NUDCD3: variants seen among roughly 807,000 people sequenced by gnomAD.
NUDCD3 encodes NudC domain containing 3.
In NUDCD3, 13 loss-of-function variants were observed where a neutral mutation model predicts 39.7. That is an observed-to-expected ratio of 0.33 (90% confidence interval 0.21 to 0.52). The LOEUF is 0.52. Among genes scored for constraint, NUDCD3 ranks in the 20% least tolerant of loss-of-function variants. The pLI, the probability that NUDCD3 is intolerant of heterozygous loss-of-function variation, is 0.96. For missense variants in NUDCD3, 453 were observed against 458.1 expected, an observed-to-expected ratio of 0.99 and a Z score of 0.10; for synonymous variants, 175 against 172.4, an observed-to-expected ratio of 1.02 and a Z score of -0.12.
intron 3 of NUDCD3, among the ~76,000 whole-genome samples, chr7:44,409,750 A>G (rs1318839138): frequency 6.6e-6 from 1 of 152,200 alleles, no homozygotes; most frequent in African/African-American, 2.4e-5. Context: ...TTACTAAAGG[A>G]AAGTATGGGA....
At chr7:44,475,737 A>G (rs903358350) in intron 2 of NUDCD3, among the ~76,000 whole-genome samples, 2 of 152,138 alleles carry the variant, frequency 1.3e-5, no homozygotes, top group Non-Finnish European at 2.9e-5. Context: ...ACTATATTCC[A>G]GCCTGGGCAA....
chr7:44,432,390 G>C (rs1799381286), intron 2 of NUDCD3, among the ~76,000 whole-genome samples: 1 of 152,184 alleles, frequency 6.6e-6, no homozygotes, highest in African/African-American at 2.4e-5. Context: ...TTTTGTCTAG[G>C]AAGCTAGAGC....
chr7:44,425,912 G>C (rs1239771083), intron 3 of NUDCD3: 1 of 152,926 alleles, frequency 6.5e-6, no homozygotes, highest in East Asian at 1.9e-4. Context: ...AAACTCATTA[G>C]ATGGAGGTTT....
chr7:44,453,527 C>T (rs1799834007), intron 2 of NUDCD3, among the ~76,000 whole-genome samples: 1 of 152,104 alleles, frequency 6.6e-6, no homozygotes, highest in Admixed American at 6.5e-5. Flanking sequence ...TAATTTCCTG[C>T]TCCTATAACT....
intron 2 of NUDCD3, among the ~76,000 whole-genome samples, chr7:44,477,024 C>T (rs1800385190): frequency 1.3e-5 from 2 of 148,198 alleles, no homozygotes; most frequent in Admixed American, 1.3e-4. Context: ...CAAATGATGC[C>T]ATTCCCTTCC....
chr7:44,441,354 G>A (rs1799580970), intron 2 of NUDCD3, among the ~76,000 whole-genome samples: 1 of 152,112 alleles, frequency 6.6e-6, no homozygotes. Flanking sequence ...TGACTAGTGA[G>A]GTTATCTTTT....
At chr7:44,441,197 G>A (rs1423098583) in intron 2 of NUDCD3, among the ~76,000 whole-genome samples, 1 of 152,156 alleles carries the variant, frequency 6.6e-6, no homozygotes, top group Non-Finnish European at 1.5e-5. Context: ...AATGTTAGTG[G>A]TCTACCAAGA....
In NUDCD3 at chr7:44,404,574, C is replaced by T; in HGVS notation, c.652G>A (p.Ala218Thr). The change falls in exon 4 of 6, where the codon GCC (alanine) becomes ACC (threonine). Residue 218 changes from alanine to threonine, a missense_variant. Coordinates refer to ENST00000355451, the MANE Select transcript of NUDCD3 (RefSeq NM_015332.4). The part of the protein sequence containing the change: ...HVVKGKQVSV[A>T]LSSSSIRVAM... ...ACACGAATGGAGCTGCTGCTAAGGG[C>T]CACTGAGACCTGGGGACACAGCAGA... 6.2e-7 allele frequency: 1 copy of T among 1,613,736 alleles called. No individual in the cohort carries two copies. The highest frequency in any genetic ancestry group is 8.5e-7 in the Non-Finnish European group (1 of 1,179,960).
At chr7:44,410,489 C>T (rs1405775663) in intron 3 of NUDCD3, among the ~76,000 whole-genome samples, 1 of 150,702 alleles carries the variant, frequency 6.6e-6, no homozygotes, top group East Asian at 2.0e-4. Context: ...GGTGAAACCC[C>T]GTCTCTACTA....
chr7:44,454,082 G>C (rs1799845078), intron 2 of NUDCD3, among the ~76,000 whole-genome samples: 1 of 152,204 alleles, frequency 6.6e-6, no homozygotes. Flanking sequence ...GCTCACGCCT[G>C]TAATCCCAGA....
chr7:44,400,747 G>C (rs542557195), intron 4 of NUDCD3, among the ~76,000 whole-genome samples: 1 of 152,294 alleles, frequency 6.6e-6, no homozygotes, highest in East Asian at 1.9e-4. Context: ...GGGCTTGGTG[G>C]TTATATCATT....
At chr7:44,450,785 C>G (rs536014471) in intron 2 of NUDCD3, among the ~76,000 whole-genome samples, 1 of 152,220 alleles carries the variant, frequency 6.6e-6, no homozygotes, top group Admixed American at 6.5e-5. Flanking sequence ...CTAGGTTATT[C>G]ACCCAGAGAA....
chr7:44,473,429 G>A (rs979741278), intron 2 of NUDCD3, among the ~76,000 whole-genome samples: 4 of 152,156 alleles, frequency 2.6e-5, no homozygotes, highest in African/African-American at 9.7e-5. Flanking sequence ...TCAAAGAGTT[G>A]TGAGGACAGT....
At position 44,427,617 on chromosome 7, in the gene NUDCD3, A is replaced by C; in HGVS notation, c.596T>G (p.Leu199Arg). The C allele has an allele frequency of 6.2e-7, 1 of 1,613,536 alleles. No individual in the cohort carries two copies. Among genetic ancestry groups the C allele is most frequent in the Non-Finnish European group, 8.5e-7 (1 of 1,179,692 alleles). ...CTTGGGTACTGGCACCCTGACCTCC[A>C]GGTCAGTATAGTCCTGTGACCAGGT... ...NYTWSQDYTD[L>R]EVRVPVPKHV... is the part of the protein sequence containing the mutation. The change falls in exon 3 of 6, where the codon CTG (leucine) becomes CGG (arginine). Residue 199 changes from leucine to arginine, a missense_variant. Coordinates refer to ENST00000355451, the MANE Select transcript of NUDCD3 (RefSeq NM_015332.4).
At chr7:44,474,507 A>G (rs913766034) in intron 2 of NUDCD3, among the ~76,000 whole-genome samples, 6 of 152,318 alleles carry the variant, frequency 3.9e-5, no homozygotes, top group Middle Eastern at 3.4e-3. Context: ...TTTTGGAAAT[A>G]CACATTTTTC....
At chr7:44,468,351 A>C (rs1800174719) in intron 2 of NUDCD3, 5 of 597,464 alleles carry the variant, frequency 8.4e-6, no homozygotes, top group South Asian at 2.2e-5. Flanking sequence ...AAAAACTGCA[A>C]AAAAAAAAAA....
At position 44,490,628 on chromosome 7, in the gene NUDCD3, C is replaced by G. The variant is rs1422761482; in HGVS notation, c.-28G>C. 6.3e-7 allele frequency: 1 copy of G among 1,575,176 alleles called. No homozygotes were observed. Among genetic ancestry groups the G allele is most frequent in the South Asian group, 1.2e-5 (1 of 86,300 alleles). Reference sequence around the variant, plus strand: ...CGCCTCCCGCCCTAGGTACGCTTCACACACACAGCGCCGCCTCAGACCTGC... The same window carrying G: ...CGCCTCCCGCCCTAGGTACGCTTCAGACACACAGCGCCGCCTCAGACCTGC... On this transcript the variant is annotated 5_prime_UTR_variant, in exon 1 of 6. Transcript: ENST00000355451.
intron 2 of NUDCD3, among the ~76,000 whole-genome samples, chr7:44,482,003 A>G (rs762618296): frequency 6.6e-6 from 1 of 152,204 alleles, no homozygotes; most frequent in Non-Finnish European, 1.5e-5. Flanking sequence ...CAGAACTGTG[A>G]GCAATAAATT....
Position 44,423,696 on chromosome 7 carries a change from T to G in NUDCD3, c.642+3875A>C, listed in dbSNP as rs551393044. Reference sequence around the variant, plus strand: ...TGCTCATGGATAGGAAGAATCAATATTGTGAAAATGGCCATACTGCCCAAA... The same window carrying G: ...TGCTCATGGATAGGAAGAATCAATAGTGTGAAAATGGCCATACTGCCCAAA... On this transcript the variant is annotated intron_variant, in intron 3 of 5. Coordinates refer to ENST00000355451, the MANE Select transcript of NUDCD3 (RefSeq NM_015332.4). Among the ~76,000 whole-genome samples, 3 of 152,202 alleles carry G rather than the reference T, an allele frequency of 2.0e-5. No homozygotes were observed. The East Asian group carries it at 5.8e-4, about 29-fold the overall frequency.
Sources: allele counts gnomAD v4.1 joint callset (sites outside exome capture counted in the v4.1 genomes callset), GRCh38; gene constraint gnomAD v4.1.1; transcripts MANE v1.5; gene names NCBI Gene and HGNC (gene_info 2026-07-23, HGNC 2026-07-21).